The following ACOT7 variants were observed in gnomAD, a reference collection of about 807,000 sequenced individuals.
The protein encoded by ACOT7 is acyl-CoA thioesterase 7.
ACOT7 carries 12 observed loss-of-function variants against 40.2 expected under a neutral mutation model. The observed-to-expected ratio is 0.30, with a 90% CI of 0.19 to 0.48. ACOT7 has a LOEUF of 0.48. Among genes scored for constraint, ACOT7 ranks in the 20% least tolerant of loss-of-function variants. ACOT7 has a pLI of 0.99. For synonymous variants in ACOT7, 228 were observed against 219.5 expected (o/e 1.04, Z -0.34); for missense variants, 395 against 530.8 (o/e 0.74, Z 2.51).
At chr1:6,287,280 G>T (rs6692407) in intron 7 of ACOT7, among the ~76,000 whole-genome samples, 1 of 152,230 alleles carries the variant, frequency 6.6e-6, no homozygotes, top group African/African-American at 2.4e-5. Context: ...AGGCCAGGTC[G>T]CTGGGGACAC....
At chr1:6,287,227 C>G (rs1477302745) in intron 7 of ACOT7, among the ~76,000 whole-genome samples, 2 of 152,260 alleles carry the variant, frequency 1.3e-5, no homozygotes, top group Non-Finnish European at 2.9e-5. Flanking sequence ...AGCTTCATCA[C>G]TCACACTCGA....
chr1:6,333,222 A>G (rs1641009370), intron 4 of ACOT7, among the ~76,000 whole-genome samples: 1 of 152,242 alleles, frequency 6.6e-6, no homozygotes, highest in Non-Finnish European at 1.5e-5. Context: ...TTAAACATAC[A>G]TTAGAAGATC....
intron 1 of ACOT7, among the ~76,000 whole-genome samples, chr1:6,364,846 CAAAAAAAAAAAAA>C (rs770975001): frequency 1.1e-4 from 4 of 37,560 alleles, no homozygotes; most frequent in South Asian, 1.0e-3. Context: ...GACTCCATCT[CAAAAAAAAAAAAA>C]AAAAAAAAAA....
chr1:6,363,215 C>T (rs1418314055), intron 1 of ACOT7, among the ~76,000 whole-genome samples: 2 of 152,302 alleles, frequency 1.3e-5, no homozygotes, highest in East Asian at 3.9e-4. Context: ...CTGTTATGCC[C>T]GGACAGGGCC....
chr1:6,346,352 T>A (rs752411642), intron 2 of ACOT7, among the ~76,000 whole-genome samples: 12 of 152,222 alleles, frequency 7.9e-5, no homozygotes, highest in Non-Finnish European at 1.5e-4. Context: ...CCTGTCCATC[T>A]TAGCTTCCCA....
In ACOT7 at chr1:6,299,662, G is replaced by A. The variant is rs890010790; in HGVS notation, c.713-4682C>T. On this transcript the variant is annotated intron_variant, in intron 6 of 8. Transcript: ENST00000361521. This position sits in a 1 kb window ranked among gnomAD's most constrained non-coding sequence, Gnocchi z 4.1. The stretch of plus-strand genomic sequence containing the variant: ...CTTCAGAGAGAGAGAGAGAGAGAGC[G>A]CAAGTGTGTGTGTGTGTGTGTGTGT... Among the ~76,000 whole-genome samples the A allele has an allele frequency of 2.7e-5, 4 of 145,810 alleles. No homozygotes were observed. The highest frequency in any genetic ancestry group is 6.7e-5 in the Admixed American group (1 of 14,926).
chr1:6,380,335 C>T (rs996082783), intron 1 of ACOT7, among the ~76,000 whole-genome samples: 3 of 151,454 alleles, frequency 2.0e-5, no homozygotes, highest in Non-Finnish European at 4.4e-5. Flanking sequence ...TGTGGTGGCT[C>T]GCCCCTGTAA....
chr1:6,268,969 T>TG (rs1638938361), intron 8 of ACOT7, among the ~76,000 whole-genome samples: 1 of 152,140 alleles, frequency 6.6e-6, no homozygotes. Flanking sequence ...CCCACCCCTT[T>TG]GCCCCCACAT....
At chr1:6,265,244 A>G (rs1272017060) in intron 8 of ACOT7, among the ~76,000 whole-genome samples, 1 of 136,886 alleles carries the variant, frequency 7.3e-6, no homozygotes, top group Non-Finnish European at 1.5e-5. Context: ...GCACACGGTC[A>G]CTGCCCCAGA....
chr1:6,299,746 A>C lies in ACOT7; in HGVS notation c.713-4766T>G, dbSNP rs968160635. Among the ~76,000 whole-genome samples, 1 of 152,150 alleles carries C rather than the reference A, an allele frequency of 6.6e-6. No individual in the cohort carries two copies. Among genetic ancestry groups the C allele is most frequent in the Non-Finnish European group, 1.5e-5 (1 of 68,024 alleles). Reference sequence around the variant, plus strand: ...CTTAGTAGCGGCAGAGCTGCAGCCCACAGACTGAGTTCTTCTAGGTTGATC... The same window carrying C: ...CTTAGTAGCGGCAGAGCTGCAGCCCCCAGACTGAGTTCTTCTAGGTTGATC... On this transcript the variant is annotated intron_variant, in intron 6 of 8. Coordinates refer to ENST00000361521, the MANE Select transcript of ACOT7 (RefSeq NM_007274.4). The surrounding 1 kb of genome is among the most constrained non-coding windows in gnomAD (Gnocchi z 4.1).
At chr1:6,363,439 A>G (rs933065357) in intron 1 of ACOT7, among the ~76,000 whole-genome samples, 5 of 152,140 alleles carry the variant, frequency 3.3e-5, no homozygotes, top group African/African-American at 4.8e-5. Flanking sequence ...GCCTGCCCGC[A>G]GTTATCCGGA....
chr1:6,392,530 C>G (rs1287545606), intron 1 of ACOT7, among the ~76,000 whole-genome samples: 1 of 152,170 alleles, frequency 6.6e-6, no homozygotes, highest in Non-Finnish European at 1.5e-5. Flanking sequence ...TCTATCTACT[C>G]AGTACCTGGT....
chr1:6,313,474 C>T (rs188837393), intron 6 of ACOT7, among the ~76,000 whole-genome samples: 94 of 152,302 alleles, frequency 6.2e-4, no homozygotes, highest in South Asian at 3.3e-3. Context: ...TCTTTTCAGA[C>T]GCGCAAAGCT....
chr1:6,372,582 GCT>G (rs894376284), intron 1 of ACOT7, among the ~76,000 whole-genome samples: 7 of 134,426 alleles, frequency 5.2e-5, no homozygotes, highest in Non-Finnish European at 9.1e-5. Flanking sequence ...TGAGAGTCTC[GCT>G]CTGTCGCCCA....
At chr1:6,333,400 C>T (rs771912766) in intron 4 of ACOT7, 77 bp downstream of exon 4, 155 of 1,529,928 alleles carry the variant, frequency 1.0e-4, no homozygotes, top group East Asian at 3.2e-4. Flanking sequence ...CTTAGCTGAA[C>T]GAGCCTCCCA....
chr1:6,360,167 C>A (rs757342697), intron 1 of ACOT7, among the ~76,000 whole-genome samples: 1 of 152,242 alleles, frequency 6.6e-6, no homozygotes, highest in Admixed American at 6.5e-5. Context: ...CCCACACGCA[C>A]TGGGTCCCAC....
Position 6,311,030 on chromosome 1 carries a change from G to A in ACOT7, c.712+7462C>T, listed in dbSNP as rs896846621. Among the ~76,000 whole-genome samples, 12 of 152,162 alleles carry A rather than the reference G, an allele frequency of 7.9e-5. No individual in the cohort carries two copies. Among genetic ancestry groups the A allele is most frequent in the Non-Finnish European group, 1.0e-4 (7 of 68,038 alleles). ...TGGGATTACAGGTGTGAGCCACCAC[G>A]TTCAGCCGGAATCTGCACTTTTAAC... On this transcript the variant is annotated intron_variant, in intron 6 of 8. Transcript: ENST00000361521. The surrounding 1 kb of genome is among the most constrained non-coding windows in gnomAD (Gnocchi z 5.2).
chr1:6,333,020 AG>A (rs1396021820), intron 4 of ACOT7, among the ~76,000 whole-genome samples: 4 of 152,252 alleles, frequency 2.6e-5, no homozygotes, highest in African/African-American at 7.2e-5. Flanking sequence ...ACCAGCTTGC[AG>A]GGGCCACGGG....
intron 6 of ACOT7, among the ~76,000 whole-genome samples, chr1:6,310,268 C>T (rs953666321): frequency 1.1e-4 from 17 of 152,208 alleles, no homozygotes; most frequent in African/African-American, 3.9e-4. Context: ...ACCTCAGGGG[C>T]ACACCCACAC....
Sources: gnomAD v4.1 joint callset for allele counts (sites outside exome capture counted in the v4.1 genomes callset) on GRCh38, gnomAD v4.1.1 for gene constraint, Gnocchi (gnomAD v3.1) non-coding constraint, MANE v1.5 for transcripts, NCBI Gene and HGNC (gene_info 2026-07-23, HGNC 2026-07-21) for gene names.